The following GPC5 variants were observed in gnomAD, a reference collection of about 807,000 sequenced individuals.
The protein encoded by GPC5 is glypican 5.
In GPC5, 47 loss-of-function variants were observed where a neutral mutation model predicts 53.9. The observed-to-expected ratio is 0.87, with a 90% CI of 0.69 to 1.11. GPC5 has a LOEUF of 1.11. Ranked by LOEUF, GPC5 falls within the 50% of genes most tolerant of loss-of-function variation. The pLI, the probability that GPC5 is intolerant of heterozygous loss-of-function variation, is 0.00. For missense variants in GPC5, 748 were observed against 713.1 expected, an observed-to-expected ratio of 1.05 and a Z score of -0.56; for synonymous variants, 286 against 263.3, an observed-to-expected ratio of 1.09 and a Z score of -0.84.
intron 7 of GPC5, among the ~76,000 whole-genome samples, chr13:92,262,939 G>A (rs1412472299): frequency 6.6e-6 from 1 of 152,056 alleles, no homozygotes; most frequent in East Asian, 1.9e-4. Context: ...TTTTATCCCG[G>A]TATTACTCTC....
chr13:92,127,355 ATACT>A (rs765524318), intron 6 of GPC5, among the ~76,000 whole-genome samples: 1 of 151,306 alleles, frequency 6.6e-6, no homozygotes, highest in African/African-American at 2.5e-5. Flanking sequence ...AAAGATGCTG[ATACT>A]TAATGTATAA....
At chr13:92,509,241 C>T (rs1880480270) in intron 7 of GPC5, among the ~76,000 whole-genome samples, 1 of 151,860 alleles carries the variant, frequency 6.6e-6, no homozygotes. Context: ...ATAGTTTTAA[C>T]CCTCCTCTCC....
intron 7 of GPC5, among the ~76,000 whole-genome samples, chr13:92,815,650 T>C (rs1245828337): frequency 6.6e-6 from 1 of 151,874 alleles, no homozygotes; most frequent in African/African-American, 2.4e-5. Context: ...GAGAACAGAC[T>C]ATACAAAGAC....
chr13:92,789,343 T>C (rs1876379898), intron 7 of GPC5, among the ~76,000 whole-genome samples: 1 of 152,158 alleles, frequency 6.6e-6, no homozygotes, highest in Admixed American at 6.5e-5. Flanking sequence ...AGGAAATAAT[T>C]GAAAATGTTT....
At chr13:91,759,389 T>A (rs2138650838) in intron 5 of GPC5, among the ~76,000 whole-genome samples, 1 of 152,266 alleles carries the variant, frequency 6.6e-6, no homozygotes, top group Admixed American at 6.6e-5. Context: ...ATTCCAATTA[T>A]ACTTTTAGTT....
chr13:92,685,537 T>C (rs1274647568), intron 7 of GPC5, among the ~76,000 whole-genome samples: 6 of 148,290 alleles, frequency 4.0e-5, no homozygotes, highest in Non-Finnish European at 8.9e-5. Context: ...TATGAAAAAT[T>C]ATGCTCATTT....
chr13:92,613,265 A>G (rs1014249892), intron 7 of GPC5, among the ~76,000 whole-genome samples: 2 of 126,040 alleles, frequency 1.6e-5, no homozygotes, highest in African/African-American at 3.0e-5. Context: ...TATAATATAT[A>G]TATAAATTAT....
intron 7 of GPC5, among the ~76,000 whole-genome samples, chr13:92,839,725 A>T (rs914109397): frequency 3.9e-5 from 6 of 152,110 alleles, no homozygotes; most frequent in Non-Finnish European, 8.8e-5. Flanking sequence ...GGAAAAAAAA[A>T]TAATAAAATA....
At chr13:92,291,451 C>T (rs535987244) in intron 7 of GPC5, among the ~76,000 whole-genome samples, 4 of 152,082 alleles carry the variant, frequency 2.6e-5, no homozygotes, top group South Asian at 2.1e-4. Flanking sequence ...ATGCACCAAT[C>T]GACACTGTAT....
At chr13:91,810,903 C>G (rs2038300729) in intron 5 of GPC5, among the ~76,000 whole-genome samples, 1 of 149,676 alleles carries the variant, frequency 6.7e-6, no homozygotes, top group Non-Finnish European at 1.5e-5. Context: ...TTTCTTTGTT[C>G]CTTTTTATTT....
At chr13:91,597,152 C>A (rs2139199010) in intron 2 of GPC5, among the ~76,000 whole-genome samples, 1 of 152,230 alleles carries the variant, frequency 6.6e-6, no homozygotes, top group Non-Finnish European at 1.5e-5. Flanking sequence ...CTTTTACTGC[C>A]TGGCATCCAG....
chr13:92,212,202 G>C (rs1409346163), intron 7 of GPC5, among the ~76,000 whole-genome samples: 1 of 152,062 alleles, frequency 6.6e-6, no homozygotes, highest in Non-Finnish European at 1.5e-5. Context: ...GCCGGGGAGG[G>C]AACATTTATG....
intron 5 of GPC5, among the ~76,000 whole-genome samples, chr13:91,857,842 T>C (rs936688578): frequency 2.6e-5 from 4 of 151,556 alleles, no homozygotes; most frequent in Non-Finnish European, 5.9e-5. Flanking sequence ...ACTTACATAA[T>C]TTTGTCAATA....
At position 91,715,770 on chromosome 13, in the gene GPC5, G is replaced by GTCTCTC. The variant is rs55859912; in HGVS notation, c.1021-12736_1021-12731dup. Reference sequence around the variant, plus strand: ...TTGTTTTTTTTTTTTTTAAGATAGGGTCTCTCTCTCTCTCTCTCTCTCTCT... The same window carrying GTCTCTC: ...TTGTTTTTTTTTTTTTTAAGATAGGGTCTCTCTCTCTCTCTCTCTCTCTCTCTCTCT... On this transcript the variant is annotated intron_variant, in intron 3 of 7. Coordinates refer to ENST00000377067, the MANE Select transcript of GPC5 (RefSeq NM_004466.6). Among the ~76,000 whole-genome samples, 531 of 132,822 alleles carry GTCTCTC rather than the reference G, an allele frequency of 4.0e-3. 5 individuals carry two copies. The highest frequency in any genetic ancestry group is 0.012 in the African/African-American group (437 of 35,324). The allele number at this position is 132,822 out of a possible 152,430, so 87.1% of individuals were successfully genotyped here. A position where few individuals can be genotyped will look rare whatever the true frequency, so the allele number is the denominator to read the frequency against.
At chr13:92,547,819 C>CTTTT (rs567478017) in intron 7 of GPC5, among the ~76,000 whole-genome samples, 1,576 of 100,378 alleles carry the variant, frequency 0.016, 207 homozygotes, top group African/African-American at 0.056. Context: ...GCCTATTATT[C>CTTTT]TTTTTTTTTT....
intron 6 of GPC5, among the ~76,000 whole-genome samples, chr13:91,941,935 C>T (rs2039931064): frequency 6.6e-6 from 1 of 152,096 alleles, no homozygotes; most frequent in Non-Finnish European, 1.5e-5. Context: ...TCAAGTTGTA[C>T]TTCTTGATGG....
intron 6 of GPC5, among the ~76,000 whole-genome samples, chr13:92,093,853 T>G: frequency 6.6e-6 from 1 of 152,198 alleles, no homozygotes; most frequent in South Asian, 2.1e-4. Flanking sequence ...AAAAATTGGT[T>G]TGAAATTAAT....
chr13:92,527,231 AAGAAAGAAAGAAAGAAAG>A (rs879894860), intron 7 of GPC5, among the ~76,000 whole-genome samples: 7,830 of 51,966 alleles, frequency 0.15, 1,484 homozygotes, highest in East Asian at 0.36. Flanking sequence ...GAAAGAAAGA[AAGAAAGAAAGAAAGAAAG>A]AGAAAGAAAG....
chr13:92,378,014 T>C (rs1174395064), intron 7 of GPC5, among the ~76,000 whole-genome samples: 4 of 152,178 alleles, frequency 2.6e-5, no homozygotes, highest in African/African-American at 9.6e-5. Flanking sequence ...ATATTCTCTC[T>C]CTTTCTCTTT....
Sources: gnomAD v4.1 joint callset for allele counts (sites outside exome capture counted in the v4.1 genomes callset) on GRCh38, gnomAD v4.1.1 for gene constraint, MANE v1.5 for transcripts, NCBI Gene and HGNC (gene_info 2026-07-23, HGNC 2026-07-21) for gene names.